SLC43A3: variants seen among roughly 807,000 people sequenced by gnomAD.
SLC43A3 encodes solute carrier family 43 member 3, also known as equilibrative nucleobase transporter 1.
In SLC43A3, 33 loss-of-function variants were observed where a neutral mutation model predicts 53.3. The ratio of observed to expected loss-of-function variants is 0.62; its 90% CI spans 0.47 to 0.83. The LOEUF (loss-of-function observed/expected upper bound fraction) is 0.83, where lower values mean the gene tolerates loss of function less well. SLC43A3 is among the 40% of genes least tolerant of loss of function. SLC43A3 has a pLI of 0.00. For synonymous variants in SLC43A3, 236 were observed against 246.2 expected (o/e 0.96, Z 0.39); for missense variants, 530 against 610.0 (o/e 0.87, Z 1.38).
At chr11:57,420,455 C>T (rs1273755144) in intron 7 of SLC43A3, among the ~76,000 whole-genome samples, 2 of 152,142 alleles carry the variant, frequency 1.3e-5, no homozygotes, top group Admixed American at 1.3e-4. Context: ...TAAAACTGTT[C>T]GCAATGAATA....
chr11:57,420,741 A>T (rs1326299764), intron 7 of SLC43A3, among the ~76,000 whole-genome samples: 1 of 152,232 alleles, frequency 6.6e-6, no homozygotes, highest in African/African-American at 2.4e-5. Context: ...AGCGGTTACA[A>T]GCTCAGGCTC....
chr11:57,425,597 G>T lies in SLC43A3; in HGVS notation c.258C>A (p.Phe86Leu). ...LGSFMNNFMT[F>L]PTGYIFDRFK... ...ACCGGTCAAAGATGTAGCCAGTGGG[G>T]AATGTCATGAAGTTGTTCATGAAGG... The change falls in exon 4 of 14, where the codon TTC becomes TTA. Residue 86 changes from phenylalanine (F) to leucine (L), a missense_variant. Phe to Leu is a conservative substitution (Grantham distance 22). Transcript: ENST00000395124. 1 of 1,614,138 alleles carries T rather than the reference G, an allele frequency of 6.2e-7. No homozygotes were observed. The highest frequency in any genetic ancestry group is 1.1e-5 in the South Asian group (1 of 91,086).
chr11:57,420,852 A>C, intron 7 of SLC43A3, 120 bp downstream of exon 7: 1 of 686,656 alleles, frequency 1.5e-6, no homozygotes. Flanking sequence ...CTTCATCTGT[A>C]AAATGGGGGT....
In SLC43A3 at chr11:57,424,847, G is replaced by A. The variant is rs1483977348; in HGVS notation, c.314+694C>T. On this transcript the variant is annotated intron_variant, in intron 4 of 13. Transcript: ENST00000395124. ...GCCAATCTCACATGTGCCTCCCTGGGAGCACCTGCTCTGAGCTGTATCAGC... is the reference window on the plus strand; with the variant it reads ...GCCAATCTCACATGTGCCTCCCTGGAAGCACCTGCTCTGAGCTGTATCAGC... Among the ~76,000 whole-genome samples, 3 of 152,176 alleles carry A rather than the reference G, an allele frequency of 2.0e-5. No individual in the cohort carries two copies. The East Asian group carries it at 5.8e-4, about 29-fold the overall frequency.
chr11:57,426,014 C>A lies in SLC43A3; in HGVS notation c.159G>T (p.Pro53=). ...CAGCCTGCCCTGTGGCATTGCCAAT[C>A]GGCCCAGCATCTGGTCCACACAGAT... is the stretch of plus-strand genomic sequence containing the variant. ...FKDLCGPDAG[P]IGNATGQADC... is the part of the protein sequence containing the mutation. Residue 53 remains proline, a synonymous_variant, in exon 3 of 14, where the codon CCG becomes CCT. Coordinates refer to ENST00000395124, the MANE Select transcript of SLC43A3 (RefSeq NM_199329.3). The A allele has an allele frequency of 1.2e-6, 2 of 1,614,186 alleles. No individual in the cohort carries two copies. The highest frequency in any genetic ancestry group is 1.7e-6 in the Non-Finnish European group (2 of 1,179,980).
At chr11:57,414,003 C>A (rs1942599682) in intron 11 of SLC43A3, among the ~76,000 whole-genome samples, 1 of 152,150 alleles carries the variant, frequency 6.6e-6, no homozygotes, top group Non-Finnish European at 1.5e-5. Context: ...CTTCTTTGTG[C>A]CCCCCATGGC....
At chr11:57,423,051 T>C (rs1943057054) in intron 5 of SLC43A3, among the ~76,000 whole-genome samples, 1 of 152,178 alleles carries the variant, frequency 6.6e-6, no homozygotes, top group East Asian at 1.9e-4. Context: ...AGGCATCTCG[T>C]GGCCACCATA....
chr11:57,410,147 G>A (rs762873075), intron 11 of SLC43A3, 26 bp from the exon 12 acceptor site: 2 of 1,548,942 alleles, frequency 1.3e-6, no homozygotes, highest in East Asian at 4.6e-5. Flanking sequence ...GGAAAAAGAA[G>A]CTCTCTGTAG....
intron 8 of SLC43A3, among the ~76,000 whole-genome samples, chr11:57,417,193 A>G (rs1397611110): frequency 6.6e-6 from 1 of 152,202 alleles, no homozygotes; most frequent in Non-Finnish European, 1.5e-5. Context: ...ATTTCCCCCA[A>G]TTTGAATGAG....
chr11:57,422,617 A>G (rs1378894130), intron 5 of SLC43A3, among the ~76,000 whole-genome samples: 1 of 152,182 alleles, frequency 6.6e-6, no homozygotes. Flanking sequence ...CTCTCCTACT[A>G]CTAAAGGTTG....
Position 57,425,680 on chromosome 11 carries a change from A to G in SLC43A3, c.185-10T>C. On this transcript the variant is annotated splice_polypyrimidine_tract_variant and intron_variant, in intron 3 of 13. Transcript: ENST00000395124. ...TCCTGGGCTTTGCAGTCTGGAGTAG[A>G]AAAAAGGTCTCCCATGCATCCCAGC... 1.2e-6 allele frequency: 2 copies of G among 1,613,780 alleles called. No homozygotes were observed. Among genetic ancestry groups the G allele is most frequent in the Non-Finnish European group, 1.7e-6 (2 of 1,179,892 alleles).
Position 57,426,357 on chromosome 11 carries a change from A to G in SLC43A3, c.-180-5T>C, listed in dbSNP as rs559675186. 19 of 603,046 alleles carry G rather than the reference A, an allele frequency of 3.2e-5. No individual in the cohort carries two copies. Among genetic ancestry groups the G allele is most frequent in the Non-Finnish European group, 5.0e-5 (17 of 342,558 alleles). The allele number at this position is 603,046 out of a possible 1,614,324, so 37.4% of individuals were successfully genotyped here. ...CAGCGGGTGATTCTCTGGATCCTGT[A>G]GAATAAAGATAGAGGCTGCTGGAAG... On this transcript the variant is annotated splice_polypyrimidine_tract_variant and splice_region_variant and intron_variant, in intron 2 of 13. Transcript: ENST00000395124.
rs566601116 is a variant in SLC43A3 at position 57,410,087 on chromosome 11, C to T, written c.1095G>A (p.Thr365=). ...GGGATGTCAGGGCCAGCGAAGGCAC[C>T]GTCGAGCAGAGGGCCACCGCCAAAG... ...SSTLAVALCS[T]VPSLALTSLL... Residue 365 remains threonine (T), a synonymous_variant, in exon 12 of 14, where the codon ACG becomes ACA. Transcript: ENST00000395124. 2.1e-5 allele frequency: 34 copies of T among 1,609,132 alleles called. No individual in the cohort carries two copies. In the South Asian group the frequency reaches 2.2e-4, roughly 11 times the overall value.
At chr11:57,409,030 A>G in intron 13 of SLC43A3, 145 bp downstream of exon 13, 1 of 807,296 alleles carries the variant, frequency 1.2e-6, no homozygotes, top group South Asian at 1.6e-5. Context: ...ACACACAAAT[A>G]CTTTTGCCCC....
chr11:57,422,695 A>G (rs1943041039), intron 5 of SLC43A3, among the ~76,000 whole-genome samples: 1 of 152,232 alleles, frequency 6.6e-6, no homozygotes, highest in African/African-American at 2.4e-5. Context: ...GCCCTATATT[A>G]TGGAGGAAGA....
intron 9 of SLC43A3, 43 bp from the exon 10 acceptor site, chr11:57,415,149 T>A: frequency 1.3e-6 from 2 of 1,587,260 alleles, no homozygotes; most frequent in East Asian, 2.2e-5. Flanking sequence ...ACGAGGAAAG[T>A]GGACAGGTAG....
Position 57,426,590 on chromosome 11 carries a change from A to C in SLC43A3, c.-183T>G, listed in dbSNP as rs1943208930. On this transcript the variant is annotated splice_region_variant and 5_prime_UTR_variant, in exon 2 of 14. The change creates a new upstream start codon in the 5' untranslated region. Transcript: ENST00000395124. ...CACAGGTGAGATAAACGACTTACCC[A>C]ATAGCTCCCCGGGAGCAGGTGGAGA... 1 of 161,594 alleles carries C rather than the reference A, an allele frequency of 6.2e-6. No individual in the cohort carries two copies. Among genetic ancestry groups the C allele is most frequent in the Non-Finnish European group, 1.4e-5 (1 of 73,800 alleles). The allele number at this position is 161,594 out of a possible 1,614,324, so 10.0% of individuals were successfully genotyped here. A position where few individuals can be genotyped will look rare whatever the true frequency, so the allele number is the denominator to read the frequency against.
At chr11:57,416,151 G>A (rs1942706738) in intron 9 of SLC43A3, among the ~76,000 whole-genome samples, 1 of 152,208 alleles carries the variant, frequency 6.6e-6, no homozygotes, top group African/African-American at 2.4e-5. Flanking sequence ...GGTTTGTGAT[G>A]TGTGTAACCA....
rs1355627218 is a variant in SLC43A3 at position 57,426,057 on chromosome 11, T to C, written c.116A>G (p.Asn39Ser). 1 of 1,614,080 alleles carries C rather than the reference T, an allele frequency of 6.2e-7. No individual in the cohort carries two copies. The highest frequency in any genetic ancestry group is 1.3e-5 in the African/African-American group (1 of 74,942). Residue 39 changes from asparagine (N) to serine (S), a missense_variant, in exon 3 of 14, where the codon AAT (asparagine) becomes AGT (serine). Asn to Ser is a conservative substitution (Grantham distance 46). This residue lies in a region of SLC43A3 where 30 missense variants were observed against 57.0 expected (regional missense o/e 0.53). Coordinates refer to ENST00000395124, the MANE Select transcript of SLC43A3 (RefSeq NM_199329.3). ...ACACAGATCCTTAAAGTAATCTTCA[T>C]TCTTGAAGACAAACACTAGTGAAGG... ...GWPSLVFVFK[N>S]EDYFKDLCGP...
Sources: gnomAD v4.1 joint callset for allele counts (sites outside exome capture counted in the v4.1 genomes callset) on GRCh38, gnomAD v4.1.1 for gene constraint, gnomAD v4.1.1 regional missense constraint, MANE v1.5 for transcripts, NCBI Gene and HGNC (gene_info 2026-07-23, HGNC 2026-07-21) for gene names.